CELF5: variants seen among roughly 807,000 people sequenced by gnomAD.
The protein encoded by CELF5 is CUGBP Elav-like family member 5.
A neutral mutation model predicts 54.9 loss-of-function variants in CELF5; 6 were observed. The ratio of observed to expected loss-of-function variants is 0.11; its 90% CI spans 0.06 to 0.22. The LOEUF (loss-of-function observed/expected upper bound fraction) is 0.22, where lower values mean the gene tolerates loss of function less well. Ranked by LOEUF, CELF5 falls within the 10% of genes least tolerant of loss-of-function variation. The pLI, the probability that CELF5 is intolerant of heterozygous loss-of-function variation, is 1.00. For missense variants in CELF5, 401 were observed against 678.6 expected (o/e 0.59, Z 4.54); for synonymous variants, 271 against 290.9 (o/e 0.93, Z 0.70).
intron 2 of CELF5, among the ~76,000 whole-genome samples, chr19:3,263,519 C>G (rs1016112456): frequency 2.0e-5 from 3 of 152,068 alleles, no homozygotes; most frequent in African/African-American, 7.3e-5. Context: ...CGAGATTGTG[C>G]CACTGCACTC....
At chr19:3,242,617 C>T (rs1014267980) in intron 1 of CELF5, among the ~76,000 whole-genome samples, 1 of 151,974 alleles carries the variant, frequency 6.6e-6, no homozygotes, top group South Asian at 2.1e-4. Flanking sequence ...TCAGCCTGGC[C>T]GAGATGGTGA....
At chr19:3,236,336 G>A (rs1917597527) in intron 1 of CELF5, among the ~76,000 whole-genome samples, 1 of 152,186 alleles carries the variant, frequency 6.6e-6, no homozygotes, top group Admixed American at 6.5e-5. Context: ...GTCCTTTTCA[G>A]TGCATGTGTG....
intron 2 of CELF5, among the ~76,000 whole-genome samples, chr19:3,261,156 A>C (rs2079802764): frequency 6.6e-6 from 1 of 152,146 alleles, no homozygotes. Context: ...GCAGTGGTTC[A>C]TGCCTGTAAT....
intron 12 of CELF5, chr19:3,296,007 A>G (rs551200578): frequency 2.6e-5 from 4 of 150,946 alleles, no homozygotes; most frequent in African/African-American, 9.7e-5. Flanking sequence ...CCGGCCAAGC[A>G]CCCCTTTAAC....
chr19:3,290,318 A>G lies in CELF5; in HGVS notation c.1274A>G (p.Asn425Ser). Residue 425 changes from asparagine (N) to serine (S), a missense_variant, in exon 11 of 13, where the codon AAT (asparagine) becomes AGT (serine). Physicochemically the swap from Asn to Ser is conservative, Grantham distance 46 (BLOSUM62 1). This residue lies in a region of CELF5 where 59 missense variants were observed against 128.8 expected (regional missense o/e 0.46). Transcript: ENST00000292672. ...ELTQMFLPFGNIISSKVFMDR... is the reference protein window; with the variant it reads ...ELTQMFLPFGSIISSKVFMDR... ...ACGCAGATGTTCCTACCCTTCGGCA[A>G]TATCATTTCCTCCAAGGTGTTTATG... The G allele has an allele frequency of 6.2e-7, 1 of 1,613,984 alleles. No homozygotes were observed. Among genetic ancestry groups the G allele is most frequent in the African/African-American group, 1.3e-5 (1 of 74,984 alleles).
intron 12 of CELF5, chr19:3,294,407 AT>A (rs35143238): frequency 0.55 from 81,808 of 147,706 alleles, 23,531 homozygotes; most frequent in Middle Eastern, 0.71. Context: ...ATTCGTTTTG[AT>A]TTTTTTTTTT....
Position 3,224,853 on chromosome 19 carries a change from C to T in CELF5, c.114C>T (p.Gly38=). The change falls in exon 1 of 13, where the codon GGC becomes GGT. Residue 38 remains glycine (G), a synonymous_variant. Transcript: ENST00000292672. ...GPEPPGGQPD[G]MKDLDAIKLF... ...AGCCCCCCGGGGGGCAGCCCGACGG[C>T]ATGAAGGACCTGGACGCCATCAAAC... The T allele has an allele frequency of 1.2e-6, 2 of 1,602,918 alleles. No individual in the cohort carries two copies. The highest frequency in any genetic ancestry group is 1.7e-6 in the Non-Finnish European group (2 of 1,175,546).
intron 2 of CELF5, among the ~76,000 whole-genome samples, chr19:3,256,389 CT>C (rs2079726700): frequency 6.6e-6 from 1 of 152,102 alleles, no homozygotes; most frequent in Admixed American, 6.6e-5. Context: ...CTCCAAACCC[CT>C]TTGTTCATTC....
intron 2 of CELF5, among the ~76,000 whole-genome samples, chr19:3,252,645 T>A (rs2079667519): frequency 6.6e-6 from 1 of 152,112 alleles, no homozygotes. Flanking sequence ...GGTCATGGCA[T>A]GAGTTTGACT....
intron 1 of CELF5, among the ~76,000 whole-genome samples, chr19:3,232,063 A>C (rs1917293078): frequency 6.6e-6 from 1 of 151,886 alleles, no homozygotes; most frequent in Non-Finnish European, 1.5e-5. Flanking sequence ...AACCTTTACT[A>C]CCTTCCTCCT....
At chr19:3,225,062 C>T (rs1916813121) in intron 1 of CELF5, 64 bp downstream of exon 1, 1 of 1,101,318 alleles carries the variant, frequency 9.1e-7, no homozygotes, top group East Asian at 3.3e-5. Flanking sequence ...CTTCCGGCAT[C>T]TTCTCTCCCC....
chr19:3,258,064 A>C (rs1279321021), intron 2 of CELF5, among the ~76,000 whole-genome samples: 1 of 151,364 alleles, frequency 6.6e-6, no homozygotes, highest in African/African-American at 2.4e-5. Flanking sequence ...GGGTTCAAGC[A>C]ATTCTCCTGA....
intron 1 of CELF5, among the ~76,000 whole-genome samples, chr19:3,238,654 G>A (rs759842129): frequency 2.0e-5 from 3 of 152,138 alleles, no homozygotes; most frequent in Non-Finnish European, 4.4e-5. Context: ...ACTTGAGGCC[G>A]GGTGTGGTGG....
At position 3,226,039 on chromosome 19, in the gene CELF5, C is replaced by T. The variant is rs534854599; in HGVS notation, c.259+1041C>T. On this transcript the variant is annotated intron_variant, in intron 1 of 12. Coordinates refer to ENST00000292672, the MANE Select transcript of CELF5 (RefSeq NM_021938.4). Reference sequence around the variant, plus strand: ...CCCTTGGTTCCCATCATGGGCCCAGCGTCTGAATTGGGGTGGCTTTGACAG... The same window carrying T: ...CCCTTGGTTCCCATCATGGGCCCAGTGTCTGAATTGGGGTGGCTTTGACAG... Among the ~76,000 whole-genome samples, 10 of 152,084 alleles carry T rather than the reference C, an allele frequency of 6.6e-5. No homozygotes were observed. In the East Asian group the frequency reaches 1.8e-3, roughly 27 times the overall value.
chr19:3,280,908 T>A (rs1008478084), intron 5 of CELF5, among the ~76,000 whole-genome samples: 5 of 152,142 alleles, frequency 3.3e-5, no homozygotes, highest in Admixed American at 3.3e-4. Flanking sequence ...GGCGGGATTC[T>A]CCATCTGTTT....
chr19:3,269,467 C>G (rs920066223), intron 2 of CELF5, among the ~76,000 whole-genome samples: 1 of 152,108 alleles, frequency 6.6e-6, no homozygotes, highest in African/African-American at 2.4e-5. Flanking sequence ...CGTGAGCCAC[C>G]GCGCCCGGCC....
At chr19:3,245,654 C>T (rs1300091186) in intron 1 of CELF5, among the ~76,000 whole-genome samples, 1 of 151,638 alleles carries the variant, frequency 6.6e-6, no homozygotes, top group Non-Finnish European at 1.5e-5. Context: ...GCCGATCAAA[C>T]CTGATTTCTC....
chr19:3,293,577 C>T, intron 12 of CELF5, 91 bp downstream of exon 12: 2 of 1,142,506 alleles, frequency 1.8e-6, no homozygotes, highest in Non-Finnish European at 2.4e-6. Flanking sequence ...AAACCCTCCC[C>T]AGGTGGGGTG....
rs539219145 is a variant in CELF5, at chr19:3,252,025, G to A, written c.342+958G>A. 1.3e-4 allele frequency among the ~76,000 whole-genome samples: 19 copies of A among 151,762 alleles called. No individual in the cohort carries two copies. The South Asian group carries it at 3.7e-3, about 30-fold the overall frequency. Reference sequence around the variant, plus strand: ...TTCTGTCTGCAGAGGAGGCTGGCCTGGGTGCTGTCTCTGATGAGTCTCTCC... The same window carrying A: ...TTCTGTCTGCAGAGGAGGCTGGCCTAGGTGCTGTCTCTGATGAGTCTCTCC... On this transcript the variant is annotated intron_variant, in intron 2 of 12. Coordinates refer to ENST00000292672, the MANE Select transcript of CELF5 (RefSeq NM_021938.4).
Sources: gnomAD v4.1 joint callset for allele counts (sites outside exome capture counted in the v4.1 genomes callset) on GRCh38, gnomAD v4.1.1 for gene constraint, gnomAD v4.1.1 regional missense constraint, MANE v1.5 for transcripts, NCBI Gene and HGNC (gene_info 2026-07-23, HGNC 2026-07-21) for gene names.